DENND1B: variants seen among roughly 807,000 people sequenced by gnomAD.
The protein encoded by DENND1B is DENN domain-containing protein 1B.
Under a neutral mutation model 90.1 loss-of-function variants are expected in DENND1B, and 59 were observed. That is an observed-to-expected ratio of 0.65 (90% confidence interval 0.53 to 0.81). The LOEUF (loss-of-function observed/expected upper bound fraction) is 0.81, where lower values mean the gene tolerates loss of function less well. Among genes scored for constraint, DENND1B ranks in the 40% least tolerant of loss-of-function variants. The probability of loss-of-function intolerance (pLI) is 0.00; values close to 1 mark genes in which losing one functional copy is unlikely to be tolerated. For missense variants in DENND1B, 862 were observed against 912.6 expected (o/e 0.94, Z 0.71); for synonymous variants, 337 against 324.6 (o/e 1.04, Z -0.41).
At chr1:197,542,557 G>T (rs913231886) in intron 18 of DENND1B, among the ~76,000 whole-genome samples, 6 of 152,090 alleles carry the variant, frequency 3.9e-5, no homozygotes, top group African/African-American at 1.4e-4. Flanking sequence ...ATAATTTATT[G>T]AATAAATGAG....
rs1303482859 is a variant in DENND1B at position 197,505,270 on chromosome 1, G to C, written c.*5190C>G. 6.6e-6 allele frequency: 1 copy of C among 151,634 alleles called. No individual in the cohort carries two copies. Among genetic ancestry groups the C allele is most frequent in the Non-Finnish European group, 1.5e-5 (1 of 67,778 alleles). The allele number at this position is 151,634 out of a possible 1,614,324, so 9.4% of individuals were successfully genotyped here. On this transcript the variant is annotated 3_prime_UTR_variant, in exon 23 of 23. Transcript: ENST00000620048. Reference sequence around the variant, plus strand: ...GAAGTTACACTGTCAGAAGGATGGTGACTTGACATGTGATGCACTAAACAT... The same window carrying C: ...GAAGTTACACTGTCAGAAGGATGGTCACTTGACATGTGATGCACTAAACAT...
chr1:197,759,830 G>A (rs927759411), intron 2 of DENND1B, among the ~76,000 whole-genome samples: 29 of 150,336 alleles, frequency 1.9e-4, no homozygotes, highest in African/African-American at 6.4e-4. Context: ...CATAAACTAG[G>A]CAAAAGCACC....
At chr1:197,544,964 A>AGGAG (rs368384224) in intron 18 of DENND1B, among the ~76,000 whole-genome samples, 17 of 35,314 alleles carry the variant, frequency 4.8e-4, no homozygotes, top group Non-Finnish European at 6.0e-4. Flanking sequence ...AGGGAGAAGG[A>AGGAG]GAAGGAGGAA....
chr1:197,512,570 C>G (rs889662583), intron 21 of DENND1B, among the ~76,000 whole-genome samples: 1 of 151,612 alleles, frequency 6.6e-6, no homozygotes, highest in Admixed American at 6.6e-5. Flanking sequence ...TAACCTTCCT[C>G]TCTTCAGAAT....
intron 7 of DENND1B, among the ~76,000 whole-genome samples, chr1:197,648,733 A>G (rs1251291172): frequency 6.6e-6 from 1 of 152,136 alleles, no homozygotes; most frequent in African/African-American, 2.4e-5. Flanking sequence ...TCAATGACCT[A>G]CAAGTCTAAG....
intron 8 of DENND1B, 53 bp from the exon 9 acceptor site, chr1:197,645,796 T>C (rs1221189779): frequency 4.1e-6 from 5 of 1,217,314 alleles, no homozygotes; most frequent in African/African-American, 1.6e-5. Context: ...ACTGGTAACA[T>C]ATAATTTGTA....
intron 14 of DENND1B, 85 bp downstream of exon 14, chr1:197,595,123 A>T: frequency 6.8e-7 from 1 of 1,464,858 alleles, no homozygotes; most frequent in Non-Finnish European, 9.1e-7. Context: ...AAGGTGTAAT[A>T]TTAAAATGAT....
intron 2 of DENND1B, among the ~76,000 whole-genome samples, chr1:197,742,658 G>A (rs1663326300): frequency 6.6e-6 from 1 of 152,120 alleles, no homozygotes; most frequent in Admixed American, 6.6e-5. Flanking sequence ...CAATCTCCCT[G>A]GCTTTCTGTC....
chr1:197,651,026 AAATT>A (rs1042803526), intron 7 of DENND1B, among the ~76,000 whole-genome samples: 7 of 152,180 alleles, frequency 4.6e-5, no homozygotes, highest in Admixed American at 1.3e-4. Context: ...AAAAATTAAA[AAATT>A]AATTAATTTT....
intron 16 of DENND1B, among the ~76,000 whole-genome samples, chr1:197,552,030 G>A (rs1217876702): frequency 6.6e-6 from 1 of 151,882 alleles, no homozygotes; most frequent in Non-Finnish European, 1.5e-5. Context: ...TTATCTCAAT[G>A]GTTTCTATAT....
At chr1:197,661,046 C>T (rs1347640746) in intron 5 of DENND1B, among the ~76,000 whole-genome samples, 2 of 151,790 alleles carry the variant, frequency 1.3e-5, no homozygotes, top group Non-Finnish European at 2.9e-5. Context: ...GACAACTTTG[C>T]CTGGAAGCCT....
chr1:197,713,732 A>G (rs1351436347), intron 3 of DENND1B, among the ~76,000 whole-genome samples: 5 of 61,190 alleles, frequency 8.2e-5, no homozygotes, highest in African/African-American at 2.4e-4. Flanking sequence ...CTTAGAGTAT[A>G]ATAAAAAAAA....
chr1:197,536,496 T>G (rs905723983), intron 20 of DENND1B, among the ~76,000 whole-genome samples: 3 of 152,000 alleles, frequency 2.0e-5, no homozygotes, highest in Non-Finnish European at 2.9e-5. Context: ...CAACCCAACA[T>G]CAATTCAAAG....
intron 15 of DENND1B, among the ~76,000 whole-genome samples, chr1:197,579,382 G>A (rs1673993616): frequency 6.6e-6 from 1 of 152,130 alleles, no homozygotes; most frequent in African/African-American, 2.4e-5. Context: ...TTGCTGCTGT[G>A]AAGTAAGCTG....
At chr1:197,630,608 T>C (rs532212627) in intron 10 of DENND1B, among the ~76,000 whole-genome samples, 17 of 152,280 alleles carry the variant, frequency 1.1e-4, no homozygotes, top group Admixed American at 3.3e-4. Context: ...ATTTCCATCA[T>C]ACCCAAGTCC....
chr1:197,636,595 T>C (rs928012569), intron 10 of DENND1B, among the ~76,000 whole-genome samples: 2 of 152,176 alleles, frequency 1.3e-5, no homozygotes, highest in Admixed American at 6.6e-5. Flanking sequence ...TACCACATAA[T>C]ACATAATAAT....
intron 3 of DENND1B, among the ~76,000 whole-genome samples, chr1:197,681,543 A>G (rs546042756): frequency 6.6e-6 from 1 of 152,302 alleles, no homozygotes; most frequent in South Asian, 2.1e-4. Context: ...TGAGAAACAG[A>G]AGTATTTATT....
intron 3 of DENND1B, among the ~76,000 whole-genome samples, chr1:197,699,196 T>C (rs1172071441): frequency 6.6e-6 from 1 of 151,922 alleles, no homozygotes; most frequent in Non-Finnish European, 1.5e-5. Context: ...CAGCAGCACA[T>C]CATAAAACAT....
chr1:197,733,614 C>G (rs921795390), intron 2 of DENND1B, among the ~76,000 whole-genome samples: 1 of 152,198 alleles, frequency 6.6e-6, no homozygotes, highest in African/African-American at 2.4e-5. Context: ...GGAAGCTGCT[C>G]CTACTCAACA....
Sources: gnomAD v4.1 joint callset for allele counts (sites outside exome capture counted in the v4.1 genomes callset) on GRCh38, gnomAD v4.1.1 for gene constraint, MANE v1.5 for transcripts, NCBI Gene and HGNC (gene_info 2026-07-23, HGNC 2026-07-21) for gene names.